SP1: variants seen among roughly 807,000 people sequenced by gnomAD.
The protein encoded by SP1 is transcription factor Sp1.
SP1 carries 6 observed loss-of-function variants against 66.3 expected under a neutral mutation model. The ratio of observed to expected loss-of-function variants is 0.09; its 90% confidence interval spans 0.05 to 0.18. SP1 has a LOEUF of 0.18. SP1 is among the 10% of genes least tolerant of loss of function. The pLI, the probability that SP1 is intolerant of heterozygous loss-of-function variation, is 1.00. For missense variants in SP1, 848 were observed against 964.5 expected (o/e 0.88, Z 1.60); for synonymous variants, 417 against 360.8 (o/e 1.16, Z -1.77).
At chr12:53,395,017 T>C (rs1228776977) in intron 3 of SP1, among the ~76,000 whole-genome samples, 1 of 152,078 alleles carries the variant, frequency 6.6e-6, no homozygotes, top group Admixed American at 6.6e-5. Flanking sequence ...GGCACAAGTT[T>C]CTTTGGTTTG....
Position 53,382,670 on chromosome 12 carries a change from G to A in SP1, c.723G>A (p.Leu241=). ...AGCAGGCTGTCCCCCTCCAAGGCCT[G>A]GCTAATAATGTACTCTCAGGACAGA... The part of the protein sequence containing the change: ...LLQQAVPLQG[L]ANNVLSGQTQ... The change falls in exon 3 of 6, where the codon CTG becomes CTA. Residue 241 remains leucine, a synonymous_variant. Coordinates refer to ENST00000327443, the MANE Select transcript of SP1 (RefSeq NM_138473.3). The A allele has an allele frequency of 6.2e-7, 1 of 1,614,122 alleles. No homozygotes were observed.
chr12:53,383,197 C>T lies in SP1; in HGVS notation c.1250C>T (p.Ala417Val). 6.2e-7 allele frequency: 1 copy of T among 1,614,244 alleles called. No homozygotes were observed. ...QGGQALQALQ[A>V]APLSGQTFTT... ...GGACAGGCCCTCCAGGCCCTCCAAG[C>T]AGCACCATTGTCAGGGCAGACCTTT... Residue 417 changes from alanine to valine, a missense_variant, in exon 3 of 6, where the codon GCA becomes GTA. Transcript: ENST00000327443.
chr12:53,386,455 G>C (rs1938231205), intron 3 of SP1, among the ~76,000 whole-genome samples: 1 of 148,230 alleles, frequency 6.7e-6, no homozygotes, highest in Admixed American at 6.7e-5. Flanking sequence ...ACAGTAAACA[G>C]ATGTAAGTCT....
rs1359563712 is a variant in SP1, at chr12:53,383,186, G to GGCCCTCCAA, written c.1242_1250dup (p.Leu415_Ala417dup). On this transcript the variant is annotated inframe_insertion, in exon 3 of 6. Coordinates refer to ENST00000327443, the MANE Select transcript of SP1 (RefSeq NM_138473.3). ...TAGTTCAAGGGGGACAGGCCCTCCA[G>GGCCCTCCAA]GCCCTCCAAGCAGCACCATTGTCAG... 90 of 1,614,022 alleles carry GGCCCTCCAA rather than the reference G, an allele frequency of 5.6e-5. No homozygotes were observed. The highest frequency in any genetic ancestry group is 6.9e-5 in the Non-Finnish European group (81 of 1,179,998).
intron 1 of SP1, 65 bp downstream of exon 1, chr12:53,380,363 A>G: frequency 7.6e-7 from 1 of 1,315,086 alleles, no homozygotes; most frequent in Non-Finnish European, 1.0e-6. Flanking sequence ...GCGAGGGCCG[A>G]CCGGGCGATC....
At chr12:53,390,222 C>T (rs931304332) in intron 3 of SP1, among the ~76,000 whole-genome samples, 9 of 152,108 alleles carry the variant, frequency 5.9e-5, no homozygotes, top group African/African-American at 2.2e-4. Context: ...TTGAATGTTT[C>T]TGCGTCTTTT....
chr12:53,383,192 C>T lies in SP1; in HGVS notation c.1245C>T (p.Leu415=). ...AAGGGGGACAGGCCCTCCAGGCCCTCCAAGCAGCACCATTGTCAGGGCAGA... is the reference window on the plus strand; with the variant it reads ...AAGGGGGACAGGCCCTCCAGGCCCTTCAAGCAGCACCATTGTCAGGGCAGA... ...LVQGGQALQA[L]QAAPLSGQTF... Residue 415 remains leucine (L), a synonymous_variant, in exon 3 of 6, where the codon CTC becomes CTT. Coordinates refer to ENST00000327443, the MANE Select transcript of SP1 (RefSeq NM_138473.3). 6 of 1,614,224 alleles carry T rather than the reference C, an allele frequency of 3.7e-6. No homozygotes were observed. Among genetic ancestry groups the T allele is most frequent in the Non-Finnish European group, 5.1e-6 (6 of 1,180,046 alleles).
rs1938912907 is a variant in SP1 at position 53,412,452 on chromosome 12, A to G, written c.*1212A>G. 2 of 152,720 alleles carry G rather than the reference A, an allele frequency of 1.3e-5. No homozygotes were observed. The highest frequency in any genetic ancestry group is 4.1e-4 in the South Asian group (2 of 4,830). The allele number at this position is 152,720 out of a possible 1,614,324, so 9.5% of individuals were successfully genotyped here. Reference sequence around the variant, plus strand: ...CTTCTGAGTTTATATTCTGAAAGGAAATACACTTCTTTTGAACATCCCCAC... The same window carrying G: ...CTTCTGAGTTTATATTCTGAAAGGAGATACACTTCTTTTGAACATCCCCAC... On this transcript the variant is annotated 3_prime_UTR_variant, in exon 6 of 6. Transcript: ENST00000327443.
intron 3 of SP1, among the ~76,000 whole-genome samples, chr12:53,388,853 G>C (rs1565810019): frequency 6.6e-6 from 1 of 151,776 alleles, no homozygotes; most frequent in African/African-American, 2.4e-5. Context: ...GGTAGCACAC[G>C]CCTATAGTCC....
chr12:53,397,204 C>G (rs1332624785), intron 3 of SP1, among the ~76,000 whole-genome samples: 3 of 151,702 alleles, frequency 2.0e-5, no homozygotes, highest in African/African-American at 7.3e-5. Context: ...AGAGAGGAGA[C>G]TTCAGCTTTT....
Position 53,382,665 on chromosome 12 carries a change from G to C in SP1, c.718G>C (p.Gly240Arg), listed in dbSNP as rs200394677. The C allele has an allele frequency of 3.0e-4, 485 of 1,614,152 alleles. No homozygotes were observed. Among genetic ancestry groups the C allele is most frequent in the Non-Finnish European group, 3.9e-4 (466 of 1,180,018 alleles). The change falls in exon 3 of 6, where the codon GGC (glycine) becomes CGC (arginine). Residue 240 changes from glycine to arginine, a missense_variant. Around this residue, in one of 7 missense-constraint regions of SP1, gnomAD observed 606 missense variants for 589.9 expected, o/e 1.03. Coordinates refer to ENST00000327443, the MANE Select transcript of SP1 (RefSeq NM_138473.3). ...ACTCCAGCAGGCTGTCCCCCTCCAA[G>C]GCCTGGCTAATAATGTACTCTCAGG... Reference protein sequence around the residue: ...NLLQQAVPLQGLANNVLSGQT... With the variant: ...NLLQQAVPLQRLANNVLSGQT...
chr12:53,403,513 C>A (rs1462261317), intron 3 of SP1, among the ~76,000 whole-genome samples: 1 of 131,574 alleles, frequency 7.6e-6, no homozygotes, highest in East Asian at 2.6e-4. Flanking sequence ...CCACCATGCC[C>A]AGCTAATTTT....
intron 5 of SP1, 105 bp downstream of exon 5, chr12:53,409,666 T>C: frequency 2.1e-6 from 2 of 932,478 alleles, no homozygotes; most frequent in Non-Finnish European, 3.3e-6. Flanking sequence ...AATTTGAAAC[T>C]GAATATATGG....
At chr12:53,403,846 G>A (rs1389566933) in intron 3 of SP1, among the ~76,000 whole-genome samples, 1 of 151,852 alleles carries the variant, frequency 6.6e-6, no homozygotes, top group African/African-American at 2.4e-5. Context: ...CTCGAGATCA[G>A]CCTGGACAAC....
chr12:53,387,185 T>G (rs2136894775), intron 3 of SP1, among the ~76,000 whole-genome samples: 1 of 151,964 alleles, frequency 6.6e-6, no homozygotes, highest in South Asian at 2.1e-4. Flanking sequence ...ACTCCTGACC[T>G]CGTGATCCGC....
intron 3 of SP1, among the ~76,000 whole-genome samples, chr12:53,401,921 G>A (rs905779768): frequency 1.3e-5 from 2 of 152,148 alleles, no homozygotes; most frequent in Admixed American, 1.3e-4. Context: ...TGTCCAGCTC[G>A]GCCTTGTAAA....
intron 3 of SP1, among the ~76,000 whole-genome samples, chr12:53,387,300 T>G (rs867133484): frequency 1.2e-4 from 19 of 152,336 alleles, no homozygotes; most frequent in Non-Finnish European, 2.6e-4. Context: ...TTGTTTACTT[T>G]TGTTACCAAG....
At position 53,411,173 on chromosome 12, in the gene SP1, A is replaced by G. The variant is rs755411503; in HGVS notation, c.2291A>G (p.Asn764Ser). 15 of 1,613,950 alleles carry G rather than the reference A, an allele frequency of 9.3e-6. No individual in the cohort carries two copies. The Admixed American group carries it at 2.0e-4, about 22-fold the overall frequency. Residue 764 changes from asparagine (N) to serine (S), a missense_variant, in exon 6 of 6, where the codon AAC becomes AGC. Physicochemically the swap from Asn to Ser is conservative, Grantham distance 46. Around this residue, in one of 7 missense-constraint regions of SP1, gnomAD observed 73 missense variants for 91.9 expected, o/e 0.79. Transcript: ENST00000327443. ...ICPEGIARLANSGINVMQVAD... is the reference protein window; with the variant it reads ...ICPEGIARLASSGINVMQVAD... Reference sequence around the variant, plus strand: ...CCAGAGGGCATTGCCCGTCTTGCCAACAGTGGCATCAACGTCATGCAGGTG... The same window carrying G: ...CCAGAGGGCATTGCCCGTCTTGCCAGCAGTGGCATCAACGTCATGCAGGTG...
At chr12:53,393,723 G>A (rs182666575) in intron 3 of SP1, among the ~76,000 whole-genome samples, 139 of 151,304 alleles carry the variant, frequency 9.2e-4, no homozygotes, top group African/African-American at 3.3e-3. Context: ...TCAGCCTCCC[G>A]AGTAGCTGGG....
Sources: gnomAD v4.1 joint callset for allele counts (sites outside exome capture counted in the v4.1 genomes callset) on GRCh38, gnomAD v4.1.1 for gene constraint, gnomAD v4.1.1 regional missense constraint, MANE v1.5 for transcripts, NCBI Gene and HGNC (gene_info 2026-07-23, HGNC 2026-07-21) for gene names.